CDH13: variants seen among roughly 807,000 people sequenced by gnomAD.
CDH13 encodes cadherin-13.
CDH13 carries 24 observed loss-of-function variants against 63.8 expected under a neutral mutation model. That is an observed-to-expected ratio of 0.38 (90% CI 0.27 to 0.53). The LOEUF (loss-of-function observed/expected upper bound fraction) is 0.53, where lower values mean the gene tolerates loss of function less well. Among genes scored for constraint, CDH13 ranks in the 20% least tolerant of loss-of-function variants. The probability of loss-of-function intolerance (pLI) is 0.85; values close to 1 mark genes in which losing one functional copy is unlikely to be tolerated. For missense variants in CDH13, 1,049 were observed against 903.1 expected (o/e 1.16, Z -2.07); for synonymous variants, 503 against 355.3 (o/e 1.42, Z -4.67).
intron 2 of CDH13, among the ~76,000 whole-genome samples, chr16:82,970,742 GA>G (rs1337014363): frequency 6.6e-6 from 1 of 152,038 alleles, no homozygotes; most frequent in Non-Finnish European, 1.5e-5. Flanking sequence ...CTGCATAATA[GA>G]TTAAGTTCCA....
chr16:83,149,435 A>G lies in CDH13; in HGVS notation c.483+23934A>G, dbSNP rs117126545. Among the ~76,000 whole-genome samples the G allele has an allele frequency of 8.8e-4, 134 of 152,348 alleles. 2 individuals are homozygous for G. The East Asian group carries it at 0.023, about 26-fold the overall frequency. On this transcript the variant is annotated intron_variant, in intron 4 of 13. Coordinates refer to ENST00000567109, the MANE Select transcript of CDH13 (RefSeq NM_001257.5). ...TCATTGCGTCCATGATAGGATCACA[A>G]CAGTGAGAAAACTAGAGATTCATAT...
At chr16:83,178,211 G>C (rs1223136247) in intron 4 of CDH13, among the ~76,000 whole-genome samples, 1 of 152,150 alleles carries the variant, frequency 6.6e-6, no homozygotes, top group African/African-American at 2.4e-5. Context: ...TAATTATGTT[G>C]TGGGAGGCCG....
At chr16:83,214,579 CAAAAAAAAAA>C (rs751124100) in intron 4 of CDH13, among the ~76,000 whole-genome samples, 2 of 39,780 alleles carry the variant, frequency 5.0e-5, no homozygotes, top group African/African-American at 8.8e-5. Context: ...GACTCTGTCT[CAAAAAAAAAA>C]AAAAAAAAAA....
chr16:83,634,299 G>C (rs76733208), intron 8 of CDH13, among the ~76,000 whole-genome samples: 2 of 151,972 alleles, frequency 1.3e-5, no homozygotes, highest in East Asian at 1.9e-4. Context: ...TTACTCTTGG[G>C]CTTCTCCCCT....
intron 5 of CDH13, among the ~76,000 whole-genome samples, chr16:83,261,873 G>C (rs1161846313): frequency 2.0e-5 from 3 of 152,080 alleles, no homozygotes; most frequent in African/African-American, 7.2e-5. Context: ...CAGAGGCAGT[G>C]GGAGGAGTCA....
chr16:82,874,467 G>C (rs947518525), intron 2 of CDH13, among the ~76,000 whole-genome samples: 18 of 151,496 alleles, frequency 1.2e-4, no homozygotes, highest in Non-Finnish European at 2.9e-5. Context: ...AAGTGGCCAA[G>C]TGCTGCACCA....
intron 7 of CDH13, among the ~76,000 whole-genome samples, chr16:83,558,535 C>T (rs1239928243): frequency 6.6e-6 from 1 of 152,186 alleles, no homozygotes; most frequent in Non-Finnish European, 1.5e-5. Context: ...ACGTGGACCA[C>T]AGGTCTTGGG....
intron 7 of CDH13, among the ~76,000 whole-genome samples, chr16:83,590,898 G>A (rs909141192): frequency 2.1e-5 from 3 of 144,334 alleles, no homozygotes; most frequent in African/African-American, 7.7e-5. Flanking sequence ...ACCCACCAGG[G>A]GATTCTTTTT....
chr16:83,053,300 C>A (rs1413335519), intron 3 of CDH13, among the ~76,000 whole-genome samples: 1 of 152,068 alleles, frequency 6.6e-6, no homozygotes, highest in Non-Finnish European at 1.5e-5. Flanking sequence ...AATATTAGGT[C>A]TCGGGAGGTG....
At chr16:82,830,764 G>A (rs757415609) in intron 1 of CDH13, among the ~76,000 whole-genome samples, 33 of 152,248 alleles carry the variant, frequency 2.2e-4, no homozygotes, top group Admixed American at 4.6e-4. Flanking sequence ...ATAAAAGAAG[G>A]CCAGTAAAAA....
intron 5 of CDH13, among the ~76,000 whole-genome samples, chr16:83,272,724 G>T (rs957230163): frequency 1.3e-5 from 2 of 152,100 alleles, no homozygotes; most frequent in African/African-American, 4.8e-5. Context: ...ATGGGGATTG[G>T]GCTGGACACA....
intron 7 of CDH13, among the ~76,000 whole-genome samples, chr16:83,589,327 C>T (rs1457154945): frequency 2.2e-5 from 3 of 134,748 alleles, no homozygotes; most frequent in East Asian, 5.0e-4. Context: ...CCCCCTCCCT[C>T]TTTCTCTCTG....
At chr16:83,581,269 T>G (rs1905572618) in intron 7 of CDH13, among the ~76,000 whole-genome samples, 1 of 152,214 alleles carries the variant, frequency 6.6e-6, no homozygotes, top group African/African-American at 2.4e-5. Context: ...AGCCTCAGTA[T>G]TTACCCCTGT....
intron 1 of CDH13, among the ~76,000 whole-genome samples, chr16:82,811,654 C>A (rs2037451950): frequency 6.6e-6 from 1 of 152,032 alleles, no homozygotes; most frequent in Non-Finnish European, 1.5e-5. Context: ...CCATAGAGAC[C>A]AACTAGAAGG....
intron 5 of CDH13, among the ~76,000 whole-genome samples, chr16:83,226,073 G>C (rs929138406): frequency 1.3e-5 from 2 of 152,176 alleles, no homozygotes; most frequent in Non-Finnish European, 2.9e-5. Context: ...ACAAACGCTT[G>C]TCTTCTGAGT....
Position 83,425,120 on chromosome 16 carries a change from G to A in CDH13, c.782-61357G>A, listed in dbSNP as rs145732492. Among the ~76,000 whole-genome samples the A allele has an allele frequency of 3.5e-3, 527 of 152,258 alleles. 7 individuals carry two copies. Among genetic ancestry groups the A allele is most frequent in the African/African-American group, 0.012 (509 of 41,536 alleles). On this transcript the variant is annotated intron_variant, in intron 6 of 13. Coordinates refer to ENST00000567109, the MANE Select transcript of CDH13 (RefSeq NM_001257.5). ...GCTGTGATCCCACCGTTTGTCCATC[G>A]AGTTCTAAGCTATGGTATTTGTAAA...
chr16:83,792,884 A>G (rs1263992226), intron 13 of CDH13, among the ~76,000 whole-genome samples: 2 of 152,204 alleles, frequency 1.3e-5, no homozygotes, highest in Admixed American at 6.5e-5. Flanking sequence ...GTATAAGTGT[A>G]ATCATTGTAA....
At chr16:82,986,858 C>A (rs16959013) in intron 2 of CDH13, among the ~76,000 whole-genome samples, 17,924 of 152,198 alleles carry the variant, frequency 0.12, 1,294 homozygotes, top group Middle Eastern at 0.17. Context: ...TTTCCCAGTT[C>A]TTTTAAACTT....
chr16:83,529,084 C>A (rs2075025644), intron 7 of CDH13, among the ~76,000 whole-genome samples: 1 of 128,230 alleles, frequency 7.8e-6, no homozygotes. Flanking sequence ...CCCATGAATA[C>A]CTCTGTCTTT....
Sources: allele counts gnomAD v4.1 joint callset (sites outside exome capture counted in the v4.1 genomes callset), GRCh38; gene constraint gnomAD v4.1.1; transcripts MANE v1.5; gene names NCBI Gene and HGNC (gene_info 2026-07-23, HGNC 2026-07-21).